The following UGT2B7 variants were observed in gnomAD, a reference collection of about 807,000 sequenced individuals.
UGT2B7 encodes the protein UDP-glucuronosyltransferase 2B7.
In UGT2B7, 51 loss-of-function variants were observed where a neutral mutation model predicts 51.9. That is an observed-to-expected ratio of 0.98 (90% CI 0.78 to 1.24). The LOEUF (loss-of-function observed/expected upper bound fraction) is 1.24, where lower values mean the gene tolerates loss of function less well. UGT2B7 is among the 50% of genes most tolerant of loss of function. The pLI is 0.00. For synonymous variants in UGT2B7, 225 were observed against 211.6 expected (o/e 1.06, Z -0.55); for missense variants, 727 against 628.4 (o/e 1.16, Z -1.68).
chr4:69,092,995 G>A (rs1719118411), upstream of UGT2B7, among the ~76,000 whole-genome samples: 1 of 150,828 alleles, frequency 6.6e-6, no homozygotes, highest in African/African-American at 2.4e-5. Flanking sequence ...TAATACTTTG[G>A]AAGATTTGGA....
At chr4:69,110,518 A>C (rs1719742835) in intron 5 of UGT2B7, among the ~76,000 whole-genome samples, 1 of 152,092 alleles carries the variant, frequency 6.6e-6, no homozygotes, top group African/African-American at 2.4e-5. Flanking sequence ...AATTGTTAGC[A>C]ACCCAAATAT....
At chr4:69,098,741 A>G (rs2109885271) in intron 2 of UGT2B7, 53 bp downstream of exon 2, 1 of 1,598,628 alleles carries the variant, frequency 6.3e-7, no homozygotes, top group South Asian at 1.1e-5. Context: ...TTCAGTAGAA[A>G]TGATTCTATA....
At chr4:69,085,273 T>A (rs908622942) in intron 1 of UGT2B7, among the ~76,000 whole-genome samples, 13 of 152,292 alleles carry the variant, frequency 8.5e-5, no homozygotes, top group Non-Finnish European at 1.3e-4. Context: ...TTTTGAGAAG[T>A]GTCTGTTCAT....
chr4:69,083,864 C>A (rs1236369535), intron 1 of UGT2B7, among the ~76,000 whole-genome samples: 1 of 87,752 alleles, frequency 1.1e-5, no homozygotes, highest in East Asian at 3.9e-4. Context: ...AGTGGATGAC[C>A]TTTCTTTTTT....
intron 5 of UGT2B7, among the ~76,000 whole-genome samples, chr4:69,110,468 TAGA>T (rs35605246): frequency 0.59 from 89,342 of 151,516 alleles, 27,683 homozygotes; most frequent in African/African-American, 0.77. Context: ...TAATACCATA[TAGA>T]AGAATATTTA....
intron 1 of UGT2B7, among the ~76,000 whole-genome samples, chr4:69,053,029 G>T (rs1256479911): frequency 1.3e-5 from 2 of 152,172 alleles, no homozygotes; most frequent in African/African-American, 4.8e-5. Flanking sequence ...CTGCGAACTA[G>T]ACATAAAAGT....
intron 5 of UGT2B7, 134 bp from the exon 6 acceptor site, chr4:69,112,323 G>A: frequency 7.9e-7 from 1 of 1,260,336 alleles, no homozygotes; most frequent in African/African-American, 1.5e-5. Context: ...CTCACTCAGG[G>A]AGTTCAGCTC....
intron 1 of UGT2B7, among the ~76,000 whole-genome samples, chr4:69,068,735 G>T (rs1265501904): frequency 6.6e-6 from 1 of 151,862 alleles, no homozygotes; most frequent in African/African-American, 2.4e-5. Context: ...TAAATAACAA[G>T]GGGAGAAGTT....
intron 1 of UGT2B7, among the ~76,000 whole-genome samples, chr4:69,074,896 C>T (rs746250505): frequency 2.4e-4 from 37 of 151,978 alleles, no homozygotes; most frequent in Non-Finnish European, 4.4e-4. Flanking sequence ...TTTTTTAATG[C>T]ATGTATATGT....
Position 69,107,250 on chromosome 4 carries a change from A to G in UGT2B7, c.1078A>G (p.Asn360Asp), listed in dbSNP as rs1719629700. The change falls in exon 4 of 6, where the codon AAT (asparagine) becomes GAT (aspartate). Residue 360 changes from asparagine (N) to aspartate (D), a missense_variant. Asn to Asp is a conservative substitution (Grantham distance 23, BLOSUM62 1). Transcript: ENST00000305231. ...NTRLYKWIPQ[N>D]DLLGHPKTRA... The stretch of plus-strand genomic sequence containing the variant: ...TCGGCTCTACAAGTGGATACCCCAG[A>G]ATGACCTTCTAGGTAAGACTCTGGT... 1.9e-6 allele frequency: 3 copies of G among 1,608,324 alleles called. No homozygotes were observed. Among genetic ancestry groups the G allele is most frequent in the East Asian group, 4.5e-5 (2 of 44,704 alleles).
At chr4:69,109,858 A>C (rs1475194128) in intron 5 of UGT2B7, among the ~76,000 whole-genome samples, 3 of 152,074 alleles carry the variant, frequency 2.0e-5, no homozygotes, top group Non-Finnish European at 2.9e-5. Context: ...GCAGGGTATC[A>C]TCTAAAGGAA....
At chr4:69,093,569 G>A (rs2109880866), upstream of UGT2B7, among the ~76,000 whole-genome samples, 1 of 152,298 alleles carries the variant, frequency 6.6e-6, no homozygotes, top group East Asian at 1.9e-4. Flanking sequence ...AGCCCTGAAA[G>A]CCAGAGTATC....
upstream of UGT2B7, among the ~76,000 whole-genome samples, chr4:69,095,900 A>G (rs1719209522): frequency 6.6e-6 from 1 of 152,150 alleles, no homozygotes; most frequent in Non-Finnish European, 1.5e-5. Context: ...AGGCAAATCT[A>G]TAGAGATAGA....
chr4:69,079,488 A>AT (rs1718788111), intron 1 of UGT2B7, among the ~76,000 whole-genome samples: 1 of 152,130 alleles, frequency 6.6e-6, no homozygotes, highest in African/African-American at 2.4e-5. Context: ...TATAATAAAA[A>AT]ATATATATAT....
chr4:69,066,395 G>T (rs180724553), intron 1 of UGT2B7: 22 of 152,020 alleles, frequency 1.4e-4, no homozygotes, highest in African/African-American at 4.8e-4. Context: ...TGTCTATATA[G>T]TTCTATGGAA....
chr4:69,109,708 CA>C (rs1250416824), intron 5 of UGT2B7, among the ~76,000 whole-genome samples: 1 of 150,156 alleles, frequency 6.7e-6, no homozygotes, highest in African/African-American at 2.4e-5. Context: ...CTTTGAAGCA[CA>C]AAAAATATAA....
chr4:69,092,102 A>AT (rs912960703), upstream of UGT2B7, among the ~76,000 whole-genome samples: 124 of 152,060 alleles, frequency 8.2e-4, no homozygotes, highest in African/African-American at 2.8e-3. Flanking sequence ...CACCTGGTCA[A>AT]TTTTTTTGTA....
intron 2 of UGT2B7, among the ~76,000 whole-genome samples, 189 bp downstream of exon 2, chr4:69,098,877 T>C (rs967409545): frequency 6.6e-6 from 1 of 151,908 alleles, no homozygotes; most frequent in Non-Finnish European, 1.5e-5. Context: ...TTATGAGTAT[T>C]ACAAATAGAG....
intron 1 of UGT2B7, among the ~76,000 whole-genome samples, chr4:69,058,051 AGT>A (rs1160198352): frequency 6.6e-6 from 1 of 152,244 alleles, no homozygotes; most frequent in East Asian, 1.9e-4. Flanking sequence ...TCAAGCCGAG[AGT>A]AATCAGCTGT....
Sources: allele counts gnomAD v4.1 joint callset (sites outside exome capture counted in the v4.1 genomes callset), GRCh38; gene constraint gnomAD v4.1.1; transcripts MANE v1.5; gene names NCBI Gene and HGNC (gene_info 2026-07-23, HGNC 2026-07-21).